Variants in NAALADL2 observed in about 807,000 individuals in gnomAD.
The protein encoded by NAALADL2 is N-acetylated alpha-linked acidic dipeptidase like 2, also known as inactive N-acetylated-alpha-linked acidic dipeptidase-like protein 2.
A neutral mutation model predicts 87.2 loss-of-function variants in NAALADL2; 76 were observed. The observed-to-expected ratio is 0.87, with a 90% CI of 0.72 to 1.05. The LOEUF (loss-of-function observed/expected upper bound fraction) is 1.05. Ranked by LOEUF, NAALADL2 falls within the 50% of genes least tolerant of loss-of-function variation. The pLI, the probability that NAALADL2 is intolerant of heterozygous loss-of-function variation, is 0.00. For synonymous variants in NAALADL2, 354 were observed against 331.0 expected, an observed-to-expected ratio of 1.07 and a Z score of -0.75; for missense variants, 1,089 against 945.8, an observed-to-expected ratio of 1.15 and a Z score of -1.99.
At chr3:174,964,904 G>A (rs1437448211) in intron 1 of NAALADL2, among the ~76,000 whole-genome samples, 1 of 151,378 alleles carries the variant, frequency 6.6e-6, no homozygotes, top group Non-Finnish European at 1.5e-5. Context: ...TTATTGACAT[G>A]AAAATTGAAA....
intron 5 of NAALADL2, among the ~76,000 whole-genome samples, chr3:175,432,611 T>A: frequency 6.6e-6 from 1 of 152,066 alleles, no homozygotes; most frequent in East Asian, 1.9e-4. Flanking sequence ...ATGTTGATTC[T>A]TTTGCCTGGA....
At chr3:174,557,371 T>A (rs1031082838) in intron 2 of NAALADL2, among the ~76,000 whole-genome samples, 1 of 152,188 alleles carries the variant, frequency 6.6e-6, no homozygotes, top group Non-Finnish European at 1.5e-5. Flanking sequence ...TCTCATGAAA[T>A]ATCTTTTGTA....
intron 10 of NAALADL2, among the ~76,000 whole-genome samples, chr3:175,596,461 C>T (rs1238252843): frequency 6.6e-6 from 1 of 151,892 alleles, no homozygotes; most frequent in Non-Finnish European, 1.5e-5. Flanking sequence ...TAGGAATAGA[C>T]TATTATCACT....
At chr3:174,866,573 A>C (rs1727170681) in intron 1 of NAALADL2, among the ~76,000 whole-genome samples, 1 of 151,776 alleles carries the variant, frequency 6.6e-6, no homozygotes, top group Non-Finnish European at 1.5e-5. Context: ...AAGCTTACTC[A>C]ATTGTCTGTC....
chr3:175,244,490 C>T (rs1463526), intron 3 of NAALADL2, among the ~76,000 whole-genome samples: 21,214 of 151,986 alleles, frequency 0.14, 1,836 homozygotes, highest in Admixed American at 0.24. Context: ...GATACTGTCA[C>T]GTTGTTGAGC....
chr3:174,580,982 C>G (rs1481970361), intron 2 of NAALADL2, among the ~76,000 whole-genome samples: 2 of 152,118 alleles, frequency 1.3e-5, no homozygotes, highest in Non-Finnish European at 2.9e-5. Context: ...CCATTTCCTC[C>G]ACATTCTCAC....
chr3:174,935,698 T>G (rs1737586112), intron 1 of NAALADL2, among the ~76,000 whole-genome samples: 3 of 152,172 alleles, frequency 2.0e-5, no homozygotes, highest in African/African-American at 7.2e-5. Flanking sequence ...GGTTCTCTAA[T>G]GAATGCCTTG....
chr3:175,217,297 C>T (rs1296078805), intron 2 of NAALADL2, among the ~76,000 whole-genome samples: 1 of 152,104 alleles, frequency 6.6e-6, no homozygotes, highest in Non-Finnish European at 1.5e-5. Context: ...AAAGCTCGCC[C>T]AGCAACAGCA....
intron 4 of NAALADL2, among the ~76,000 whole-genome samples, chr3:175,279,097 A>G (rs1174873143): frequency 6.6e-6 from 1 of 152,122 alleles, no homozygotes; most frequent in Admixed American, 6.5e-5. Flanking sequence ...GAGCAATTAG[A>G]GCTGTATTTT....
intron 5 of NAALADL2, among the ~76,000 whole-genome samples, chr3:175,367,074 A>G (rs1765691241): frequency 6.6e-6 from 1 of 151,362 alleles, no homozygotes; most frequent in Admixed American, 6.6e-5. Flanking sequence ...AGCTTTCTAC[A>G]TATGGCTAGC....
chr3:175,662,252 C>T (rs1023117989), intron 11 of NAALADL2, among the ~76,000 whole-genome samples: 1 of 151,694 alleles, frequency 6.6e-6, no homozygotes, highest in East Asian at 1.9e-4. Context: ...TTATTTATAG[C>T]GATTGTAAAT....
intron 1 of NAALADL2, among the ~76,000 whole-genome samples, chr3:174,916,451 A>G (rs972662434): frequency 6.6e-6 from 1 of 152,156 alleles, no homozygotes; most frequent in Non-Finnish European, 1.5e-5. Flanking sequence ...AATTGCAAAG[A>G]TAGGGAACCA....
intron 8 of NAALADL2, among the ~76,000 whole-genome samples, chr3:175,468,698 G>A (rs1446233987): frequency 6.6e-6 from 1 of 151,894 alleles, no homozygotes; most frequent in South Asian, 2.1e-4. Flanking sequence ...TCTGAACTAT[G>A]TTTTAGAATA....
chr3:175,429,203 A>T (rs999910301), intron 5 of NAALADL2, among the ~76,000 whole-genome samples: 19 of 136,418 alleles, frequency 1.4e-4, no homozygotes, highest in South Asian at 2.6e-4. Context: ...ACACACACAC[A>T]CACACACATA....
chr3:174,664,661 A>G (rs1336173065), intron 2 of NAALADL2, among the ~76,000 whole-genome samples: 1 of 151,952 alleles, frequency 6.6e-6, no homozygotes, highest in African/African-American at 2.4e-5. Context: ...TGTGATGGGC[A>G]ATTTAATGGT....
At position 175,590,772 on chromosome 3, in the gene NAALADL2, G is replaced by A. The variant is rs548862323; in HGVS notation, c.1800+14585G>A. Among the ~76,000 whole-genome samples the A allele has an allele frequency of 3.9e-5, 6 of 152,232 alleles. No homozygotes were observed. The South Asian group carries it at 6.2e-4, about 16-fold the overall frequency. On this transcript the variant is annotated intron_variant, in intron 10 of 13. Coordinates refer to ENST00000454872, the MANE Select transcript of NAALADL2 (RefSeq NM_207015.3). ...CCTTCAACAAAGTCATAGAAGTTCC[G>A]AAAAGGGTGGGAGAGAGGATACAAT...
At chr3:174,441,440 G>T (rs1048680443) in intron 1 of NAALADL2, among the ~76,000 whole-genome samples, 9 of 152,158 alleles carry the variant, frequency 5.9e-5, no homozygotes, top group Non-Finnish European at 1.3e-4. Flanking sequence ...CGCCGGCCAG[G>T]CAGCCCGACA....
intron 4 of NAALADL2, among the ~76,000 whole-genome samples, chr3:175,277,046 A>C (rs1381414925): frequency 6.6e-6 from 1 of 152,198 alleles, no homozygotes; most frequent in East Asian, 1.9e-4. Context: ...CTCAGAGGCC[A>C]AGAGTATAGA....
chr3:175,632,976 C>T (rs568771537), intron 11 of NAALADL2, among the ~76,000 whole-genome samples: 18 of 152,116 alleles, frequency 1.2e-4, no homozygotes, highest in African/African-American at 3.4e-4. Flanking sequence ...CTGCATTTGG[C>T]AGCACAGGTT....
Sources: gnomAD v4.1 joint callset for allele counts (sites outside exome capture counted in the v4.1 genomes callset) on GRCh38, gnomAD v4.1.1 for gene constraint, MANE v1.5 for transcripts, NCBI Gene and HGNC (gene_info 2026-07-23, HGNC 2026-07-21) for gene names.